SUN1: variants seen among roughly 807,000 people sequenced by gnomAD.
SUN1 encodes the protein Sad1 and UNC84 domain containing 1.
SUN1 carries 61 observed loss-of-function variants against 103.2 expected under a neutral mutation model. The observed-to-expected ratio is 0.59, with a 90% CI of 0.48 to 0.73. The LOEUF is 0.73. Among genes scored for constraint, SUN1 ranks in the 30% least tolerant of loss-of-function variants. The pLI, the probability that SUN1 is intolerant of heterozygous loss-of-function variation, is 0.00. For missense variants in SUN1, 1,052 were observed against 1,034.6 expected (o/e 1.02, Z -0.23); for synonymous variants, 490 against 425.7 (o/e 1.15, Z -1.86).
intron 11 of SUN1, among the ~76,000 whole-genome samples, chr7:856,099 C>T (rs1052946638): frequency 3.3e-5 from 5 of 152,200 alleles, no homozygotes; most frequent in African/African-American, 4.8e-5. Flanking sequence ...ACTCCCAACC[C>T]GGGTGCTGGT....
At chr7:865,335 T>G (rs201519026) in intron 15 of SUN1, among the ~76,000 whole-genome samples, 1 of 152,066 alleles carries the variant, frequency 6.6e-6, no homozygotes, top group African/African-American at 2.4e-5. Flanking sequence ...GGTCTGGAAC[T>G]CCTGACCTCA....
intron 15 of SUN1, among the ~76,000 whole-genome samples, chr7:864,592 C>T (rs1050876881): frequency 1.3e-5 from 2 of 148,202 alleles, no homozygotes; most frequent in African/African-American, 5.0e-5. Context: ...AAGTTCACTA[C>T]AGTCACCCTG....
chr7:873,536 G>T lies in SUN1; in HGVS notation c.*205G>T. On this transcript the variant is annotated 3_prime_UTR_variant, in exon 19 of 19. Coordinates refer to ENST00000401592, the MANE Select transcript of SUN1 (RefSeq NM_001130965.3). ...CTCACTGCCTCTGCAGGTGCAGAGGGGTCAGCAGCAGGAGAAGCGTGTTGA... is the reference window on the plus strand; with the variant it reads ...CTCACTGCCTCTGCAGGTGCAGAGGTGTCAGCAGCAGGAGAAGCGTGTTGA... 5.7e-6 allele frequency: 3 copies of T among 530,774 alleles called. No individual in the cohort carries two copies. The highest frequency in any genetic ancestry group is 1.0e-5 in the Non-Finnish European group (3 of 299,526). 32.9% of individuals were successfully genotyped at this position (530,774 alleles called of 1,614,324 possible). A position where few individuals can be genotyped will look rare whatever the true frequency, so the allele number is the denominator to read the frequency against.
intron 16 of SUN1, 91 bp downstream of exon 16, chr7:866,158 C>A: frequency 9.3e-7 from 1 of 1,074,376 alleles, no homozygotes. Flanking sequence ...CATGGAACTT[C>A]GTAAGATGAA....
chr7:832,694 C>G, intron 1 of SUN1, 93 bp downstream of exon 1: 1 of 897,850 alleles, frequency 1.1e-6, no homozygotes, highest in Middle Eastern at 2.4e-4. Context: ...ATAGTACTAC[C>G]GACTACATGC....
intron 5 of SUN1, chr7:850,827 C>G (rs1381890815): frequency 1.3e-5 from 2 of 150,946 alleles, no homozygotes; most frequent in Non-Finnish European, 2.9e-5. Flanking sequence ...CAGTTTCCTG[C>G]TTTTTGTAAT....
upstream of SUN1, among the ~76,000 whole-genome samples, chr7:829,390 C>T (rs1795786111): frequency 6.6e-6 from 1 of 152,142 alleles, no homozygotes; most frequent in Admixed American, 6.5e-5. Context: ...CATGCTTTTG[C>T]CTGCAGGTGT....
chr7:843,159 T>C, intron 3 of SUN1, 47 bp from the exon 4 acceptor site: 1 of 1,599,350 alleles, frequency 6.3e-7, no homozygotes. Flanking sequence ...TTTGATAAGC[T>C]GAGCTCAACA....
upstream of SUN1, chr7:832,124 A>G: frequency 9.9e-7 from 1 of 1,012,082 alleles, no homozygotes; most frequent in Non-Finnish European, 1.2e-6. Context: ...TAGTTAGTAA[A>G]ATAAAAACTG....
chr7:852,245 A>G (rs1822902995), intron 7 of SUN1: 4 of 630,274 alleles, frequency 6.3e-6, no homozygotes, highest in Non-Finnish European at 1.1e-5. Flanking sequence ...AAGGAAAACA[A>G]ATGTGCAGAG....
chr7:845,468 A>T (rs755757523), intron 5 of SUN1, among the ~76,000 whole-genome samples: 1 of 152,150 alleles, frequency 6.6e-6, no homozygotes, highest in African/African-American at 2.4e-5. Flanking sequence ...AGAGTAAAAC[A>T]TGTTTATCAA....
intron 5 of SUN1, among the ~76,000 whole-genome samples, chr7:844,668 G>A (rs531922965): frequency 7.7e-4 from 118 of 152,358 alleles, no homozygotes; most frequent in African/African-American, 2.6e-3. Context: ...TCCCCTCACA[G>A]CACTGTGCAC....
chr7:850,262 A>C (rs1820627280), intron 5 of SUN1: 1 of 506,216 alleles, frequency 2.0e-6, no homozygotes, highest in South Asian at 2.1e-5. Flanking sequence ...GCAGTGGTGC[A>C]ATCTTGGCTC....
chr7:857,973 G>T lies in SUN1; in HGVS notation c.1524+16G>T, dbSNP rs768079885. ...ACAAGAAAGAGTGAGCTTTCTGCAT[G>T]TTTACTTTTTGTTTTATAATAGAAA... On this transcript the variant is annotated intron_variant, in intron 13 of 18. Coordinates refer to ENST00000401592, the MANE Select transcript of SUN1 (RefSeq NM_001130965.3). 1.3e-6 allele frequency: 2 copies of T among 1,538,830 alleles called. No homozygotes were observed. The highest frequency in any genetic ancestry group is 1.8e-6 in the Non-Finnish European group (2 of 1,136,820).
chr7:869,245 T>TA (rs1839697223), intron 16 of SUN1, 104 bp from the exon 17 acceptor site: 3 of 1,425,358 alleles, frequency 2.1e-6, no homozygotes, highest in East Asian at 4.6e-5. Context: ...TTCTACCATG[T>TA]AAAACTTATT....
intron 1 of SUN1, among the ~76,000 whole-genome samples, chr7:833,591 G>A (rs541857801): frequency 6.6e-5 from 10 of 152,294 alleles, no homozygotes; most frequent in Non-Finnish European, 1.3e-4. Flanking sequence ...GATTCCAGGC[G>A]TGAGCCACCG....
upstream of SUN1, chr7:831,073 TAGAC>T: frequency 1.1e-6 from 1 of 928,816 alleles, no homozygotes; most frequent in Non-Finnish European, 1.3e-6. Flanking sequence ...TTAAAGTAGG[TAGAC>T]AGGTGGGAGA....
intron 3 of SUN1, chr7:842,415 A>C (rs1810989669): frequency 2.5e-6 from 1 of 400,124 alleles, no homozygotes; most frequent in Non-Finnish European, 4.7e-6. Flanking sequence ...GACTAGTTCC[A>C]ATGGGGAGAT....
At chr7:855,359 G>C (rs112673272) in intron 11 of SUN1, among the ~76,000 whole-genome samples, 4 of 152,338 alleles carry the variant, frequency 2.6e-5, no homozygotes, top group African/African-American at 9.6e-5. Flanking sequence ...TCTTCAGAGG[G>C]GGGATAAAGG....
Sources: gnomAD v4.1 joint callset for allele counts (sites outside exome capture counted in the v4.1 genomes callset) on GRCh38, gnomAD v4.1.1 for gene constraint, MANE v1.5 for transcripts, NCBI Gene and HGNC (gene_info 2026-07-23, HGNC 2026-07-21) for gene names.